Variants in KCNQ1OT1 observed in about 807,000 individuals in gnomAD.
The protein encoded by KCNQ1OT1 is KCNQ1 opposite strand/antisense transcript 1.
Position 2,674,831 on chromosome 11 carries a change from T to TAA in KCNQ1OT1, n.25163_25164insTT, listed in dbSNP as rs1564854123. 282 of 367,794 alleles carry TAA rather than the reference T, an allele frequency of 7.7e-4. 5 individuals carry two copies. The highest frequency in any genetic ancestry group is 4.8e-3 in the African/African-American group (186 of 38,648). The allele number at this position is 367,794 out of a possible 1,614,324, so 22.8% of individuals were successfully genotyped here. ...GGCTTGTCACCCTAATAGCTGTTTTTTAAAAAAAAAAAAAAAAAAAAAAAA... is the reference window on the plus strand; with the variant it reads ...GGCTTGTCACCCTAATAGCTGTTTTTAATAAAAAAAAAAAAAAAAAAAAAAAA... On this transcript the variant is annotated non_coding_transcript_exon_variant, in exon 1 of 1. Transcript: ENST00000597346. The surrounding 1 kb of genome is among the most constrained non-coding windows in gnomAD (Gnocchi z 5.9).
Position 2,669,711 on chromosome 11 carries a change from T to C in KCNQ1OT1, n.30284A>G, listed in dbSNP as rs770605223. The C allele has an allele frequency of 1.0e-5, 4 of 398,560 alleles. No homozygotes were observed. The highest frequency in any genetic ancestry group is 1.8e-5 in the Non-Finnish European group (4 of 226,086). 24.7% of individuals were successfully genotyped at this position (398,560 alleles called of 1,614,324 possible). On this transcript the variant is annotated non_coding_transcript_exon_variant, in exon 1 of 1. Coordinates refer to ENST00000597346, the Ensembl canonical transcript of KCNQ1OT1. The surrounding 1 kb of genome is among the most constrained non-coding windows in gnomAD (Gnocchi z 5.6). ...AGATGGTGTTAGGCATCCAGCCACA[T>C]ACCTGACTCGGGGAAATGCCTGAAA...
At chr11:2,645,000 A>C in exon 1 of KCNQ1OT1, 2 of 398,670 alleles carry the variant, frequency 5.0e-6, no homozygotes, top group Non-Finnish European at 4.4e-6. Context: ...TACCAGTGTT[A>C]GCAAGTCCAG....
At position 2,673,645 on chromosome 11, in the gene KCNQ1OT1, G is replaced by A. The variant is rs1043624372; in HGVS notation, n.26350C>T. 2 of 398,626 alleles carry A rather than the reference G, an allele frequency of 5.0e-6. No homozygotes were observed. 24.7% of individuals were successfully genotyped at this position (398,626 alleles called of 1,614,324 possible). ...CCTTGCTACTGCTGATGACCACCCT[G>A]ACTCATGTCCCTTGTCTGCATAGGT... On this transcript the variant is annotated non_coding_transcript_exon_variant, in exon 1 of 1. Coordinates refer to ENST00000597346, the Ensembl canonical transcript of KCNQ1OT1. The surrounding 1 kb of genome is among the most constrained non-coding windows in gnomAD (Gnocchi z 4.5).
At position 2,652,157 on chromosome 11, in the gene KCNQ1OT1, G is replaced by A. The variant is rs906234041; in HGVS notation, n.47838C>T. On this transcript the variant is annotated non_coding_transcript_exon_variant, in exon 1 of 1. Transcript: ENST00000597346. This position sits in a 1 kb window ranked among gnomAD's most constrained non-coding sequence, Gnocchi z 5.9. ...CTGTGTTTCTCAAGCCCGCGCCCTC[G>A]GGGCCTGGGGGTGGGGCCCCAGCAG... 9.0e-5 allele frequency: 36 copies of A among 398,508 alleles called. No homozygotes were observed. The highest frequency in any genetic ancestry group is 1.2e-4 in the Non-Finnish European group (28 of 226,108). 24.7% of individuals were successfully genotyped at this position (398,508 alleles called of 1,614,324 possible).
At chr11:2,609,541 T>C (rs753828636) in exon 1 of KCNQ1OT1, 137 of 398,350 alleles carry the variant, frequency 3.4e-4, no homozygotes, top group Middle Eastern at 2.5e-3. Flanking sequence ...TTGAGTCTAG[T>C]TGGTTTATGG....
At chr11:2,618,398 G>C in exon 1 of KCNQ1OT1, 1 of 398,546 alleles carries the variant, frequency 2.5e-6, no homozygotes, top group Non-Finnish European at 4.4e-6. Context: ...CATGTGGTCT[G>C]TGGGCCATGG....
chr11:2,610,362 G>T, exon 1 of KCNQ1OT1: 1 of 398,016 alleles, frequency 2.5e-6, no homozygotes, highest in South Asian at 1.3e-4. Flanking sequence ...ACTATATAAT[G>T]ATATATCTTT....
chr11:2,649,261 CT>C (rs1849720432), exon 1 of KCNQ1OT1: 2 of 398,142 alleles, frequency 5.0e-6, no homozygotes, highest in Non-Finnish European at 8.9e-6. Context: ...TTATTGTTTT[CT>C]GACTGATTTG....
chr11:2,623,243 A>G lies in KCNQ1OT1; in HGVS notation n.76752T>C. ...AGCCATGCTTACTGTACAGCCTACA[A>G]AACTGTGAGTCAATTAAACCTCTTT... On this transcript the variant is annotated non_coding_transcript_exon_variant, in exon 1 of 1. Transcript: ENST00000597346. This position sits in a 1 kb window ranked among gnomAD's most constrained non-coding sequence, Gnocchi z 5.2. The G allele has an allele frequency of 2.5e-6, 1 of 398,764 alleles. No homozygotes were observed. Among genetic ancestry groups the G allele is most frequent in the Non-Finnish European group, 4.4e-6 (1 of 226,154 alleles). The allele number at this position is 398,764 out of a possible 1,614,324, so 24.7% of individuals were successfully genotyped here.
chr11:2,636,890 A>G (rs928095279), exon 1 of KCNQ1OT1: 5 of 152,154 alleles, frequency 3.3e-5, no homozygotes, highest in Non-Finnish European at 7.3e-5. Flanking sequence ...TCAGGGATTC[A>G]ACTTCTTCCT....
In KCNQ1OT1 at chr11:2,659,485, ATT is replaced by A. The variant is rs1849912314; in HGVS notation, n.40508_40509del. The A allele has an allele frequency of 5.0e-6, 2 of 398,498 alleles. No individual in the cohort carries two copies. The highest frequency in any genetic ancestry group is 8.8e-6 in the Non-Finnish European group (2 of 226,014). 24.7% of individuals were successfully genotyped at this position (398,498 alleles called of 1,614,324 possible). On this transcript the variant is annotated non_coding_transcript_exon_variant, in exon 1 of 1. Transcript: ENST00000597346. The surrounding 1 kb of genome is among the most constrained non-coding windows in gnomAD (Gnocchi z 4.3). ...GGTATTCCATTGCATGAATATATAC[ATT>A]TTGTTTATGCATTCACCTGTTGAAG...
exon 1 of KCNQ1OT1, chr11:2,618,561 G>A (rs967603222): frequency 2.5e-6 from 1 of 398,532 alleles, no homozygotes; most frequent in Non-Finnish European, 4.4e-6. Flanking sequence ...TGGTCTACAT[G>A]TTTGTTTTTT....
exon 1 of KCNQ1OT1, chr11:2,667,333 G>C: frequency 2.5e-6 from 1 of 398,652 alleles, no homozygotes. Context: ...AAAGCAGTGA[G>C]GCTTCTCATT....
rs975043596 is a variant in KCNQ1OT1 at position 2,650,030 on chromosome 11, C to G, written n.49965G>C. Reference sequence around the variant, plus strand: ...GTCTGGTTTATTGCAAAACACCTGTCTTCAAATTTAGAAATTATTTCTTCT... The same window carrying G: ...GTCTGGTTTATTGCAAAACACCTGTGTTCAAATTTAGAAATTATTTCTTCT... On this transcript the variant is annotated non_coding_transcript_exon_variant, in exon 1 of 1. Transcript: ENST00000597346. 3 of 398,234 alleles carry G rather than the reference C, an allele frequency of 7.5e-6. No homozygotes were observed. The Admixed American group carries it at 1.3e-4, about 18-fold the overall frequency. 24.7% of individuals were successfully genotyped at this position (398,234 alleles called of 1,614,324 possible). A position where few individuals can be genotyped will look rare whatever the true frequency, so the allele number is the denominator to read the frequency against.
At chr11:2,655,540 C>T (rs1849830779) in exon 1 of KCNQ1OT1, 1 of 398,736 alleles carries the variant, frequency 2.5e-6, no homozygotes, top group Non-Finnish European at 4.4e-6. Flanking sequence ...ACCTTCTCTG[C>T]AGCTGTGAGT....
At chr11:2,649,638 C>T (rs1425845207) in exon 1 of KCNQ1OT1, 5 of 398,466 alleles carry the variant, frequency 1.3e-5, no homozygotes, top group Non-Finnish European at 2.2e-5. Flanking sequence ...TCAATTCTTT[C>T]CTGGCCTAGA....
In KCNQ1OT1 at chr11:2,620,211, A is replaced by ATATATATATTTT. The variant is rs1383035176; in HGVS notation, n.79783_79784insAAAATATATATA. 1 of 252,756 alleles carries ATATATATATTTT rather than the reference A, an allele frequency of 4.0e-6. No individual in the cohort carries two copies. Among genetic ancestry groups the ATATATATATTTT allele is most frequent in the African/African-American group, 2.6e-5 (1 of 37,828 alleles). 15.7% of individuals were successfully genotyped at this position (252,756 alleles called of 1,614,324 possible). A position where few individuals can be genotyped will look rare whatever the true frequency, so the allele number is the denominator to read the frequency against. On this transcript the variant is annotated non_coding_transcript_exon_variant, in exon 1 of 1. Coordinates refer to ENST00000597346, the Ensembl canonical transcript of KCNQ1OT1. The surrounding 1 kb of genome is among the most constrained non-coding windows in gnomAD (Gnocchi z 4.5). ...TAAGTTCATTCATGTATATATATATATTTTTTTTTTTTATTTTTTTTTTAG... is the reference window on the plus strand; with the variant it reads ...TAAGTTCATTCATGTATATATATATATATATATATTTTTTTTTTTTTTTTATTTTTTTTTTAG...
In KCNQ1OT1 at chr11:2,624,166, C is replaced by T. The variant is rs1027441439; in HGVS notation, n.75829G>A. 28 of 398,450 alleles carry T rather than the reference C, an allele frequency of 7.0e-5. No individual in the cohort carries two copies. The highest frequency in any genetic ancestry group is 6.8e-4 in the East Asian group (19 of 28,084). 24.7% of individuals were successfully genotyped at this position (398,450 alleles called of 1,614,324 possible). ...GTTTTAATTTCCATTTCCCTAATGACGTAAGATGTGGGGCATCTTTTCATA... is the reference window on the plus strand; with the variant it reads ...GTTTTAATTTCCATTTCCCTAATGATGTAAGATGTGGGGCATCTTTTCATA... On this transcript the variant is annotated non_coding_transcript_exon_variant, in exon 1 of 1. Transcript: ENST00000597346. This position sits in a 1 kb window ranked among gnomAD's most constrained non-coding sequence, Gnocchi z 4.9.
Position 2,613,846 on chromosome 11 carries a change from T to G in KCNQ1OT1, n.86149A>C, listed in dbSNP as rs2133794098. 2.5e-6 allele frequency: 1 copy of G among 398,574 alleles called. No individual in the cohort carries two copies. Among genetic ancestry groups the G allele is most frequent in the East Asian group, 3.6e-5 (1 of 28,052 alleles). 24.7% of individuals were successfully genotyped at this position (398,574 alleles called of 1,614,324 possible). A position where few individuals can be genotyped will look rare whatever the true frequency, so the allele number is the denominator to read the frequency against. Reference sequence around the variant, plus strand: ...TAACCAGTTTCAGTGTTTTCTAGTTTATAGTTTGTGTGTGTTTGCTCTTTA... The same window carrying G: ...TAACCAGTTTCAGTGTTTTCTAGTTGATAGTTTGTGTGTGTTTGCTCTTTA... On this transcript the variant is annotated non_coding_transcript_exon_variant, in exon 1 of 1. Coordinates refer to ENST00000597346, the Ensembl canonical transcript of KCNQ1OT1. The surrounding 1 kb of genome is among the most constrained non-coding windows in gnomAD (Gnocchi z 4.8).
Sources: allele counts gnomAD v4.1 joint callset, GRCh38; gene constraint gnomAD v4.1.1; non-coding constraint Gnocchi (gnomAD v3.1); transcripts MANE v1.5; gene names NCBI Gene and HGNC (gene_info 2026-07-23, HGNC 2026-07-21).